The following NCK2 variants were observed in gnomAD, a reference collection of about 807,000 sequenced individuals.
NCK2 encodes NCK adaptor protein 2.
NCK2 carries 16 observed loss-of-function variants against 33.9 expected under a neutral mutation model. The observed-to-expected ratio is 0.47, with a 90% CI of 0.32 to 0.72. NCK2 has a LOEUF of 0.72. Ranked by LOEUF, NCK2 falls within the 30% of genes least tolerant of loss-of-function variation. The pLI, the probability that NCK2 is intolerant of heterozygous loss-of-function variation, is 0.03. For synonymous variants in NCK2, 273 were observed against 239.9 expected (o/e 1.14, Z -1.27); for missense variants, 418 against 537.3 (o/e 0.78, Z 2.19).
chr2:105,803,595 T>C (rs1236104546), intron 1 of NCK2, among the ~76,000 whole-genome samples: 1 of 152,184 alleles, frequency 6.6e-6, no homozygotes, highest in African/African-American at 2.4e-5. Flanking sequence ...GGCATTAGCA[T>C]CCAGTTTCAA....
chr2:105,781,492 A>G (rs1315953713), intron 1 of NCK2, among the ~76,000 whole-genome samples: 1 of 152,186 alleles, frequency 6.6e-6, no homozygotes, highest in African/African-American at 2.4e-5. Context: ...CTGTTTCGTA[A>G]TATTTCTGCA....
intron 1 of NCK2, among the ~76,000 whole-genome samples, chr2:105,761,013 C>T (rs1362118238): frequency 2.0e-5 from 3 of 152,144 alleles, no homozygotes; most frequent in African/African-American, 7.2e-5. Context: ...ATCCTGCTTC[C>T]GCCTGAGGAA....
At chr2:105,792,299 T>C (rs1690913447) in intron 1 of NCK2, among the ~76,000 whole-genome samples, 1 of 152,228 alleles carries the variant, frequency 6.6e-6, no homozygotes, top group Non-Finnish European at 1.5e-5. Flanking sequence ...TCATATTCAG[T>C]GTAGTCCTAA....
chr2:105,802,835 A>AG (rs1674893285), intron 1 of NCK2, among the ~76,000 whole-genome samples: 1 of 151,494 alleles, frequency 6.6e-6, no homozygotes, highest in Non-Finnish European at 1.5e-5. Flanking sequence ...ATGATGACTG[A>AG]TCATCTGGAA....
intron 1 of NCK2, among the ~76,000 whole-genome samples, chr2:105,802,919 T>TGTGTATAG (rs1349435679): frequency 1.3e-5 from 2 of 152,002 alleles, no homozygotes; most frequent in African/African-American, 2.4e-5. Context: ...GTGGTGTCAG[T>TGTGTATAG]GATGTCTGTT....
At chr2:105,820,629 TTG>T (rs1675690276) in intron 2 of NCK2, among the ~76,000 whole-genome samples, 1 of 152,112 alleles carries the variant, frequency 6.6e-6, no homozygotes, top group African/African-American at 2.4e-5. Context: ...GCCACCAGAG[TTG>T]TCATTTTGGC....
At chr2:105,809,195 G>A (rs534674813) in intron 1 of NCK2, among the ~76,000 whole-genome samples, 7 of 152,226 alleles carry the variant, frequency 4.6e-5, no homozygotes, top group South Asian at 2.1e-4. Context: ...TTTTGACCTC[G>A]AGTTCTTTCA....
At chr2:105,792,728 C>T (rs1221786619) in intron 1 of NCK2, among the ~76,000 whole-genome samples, 1 of 152,140 alleles carries the variant, frequency 6.6e-6, no homozygotes, top group Admixed American at 6.5e-5. Flanking sequence ...AACTGCACAT[C>T]AGAACCAGAG....
intron 3 of NCK2, 77 bp from the exon 4 acceptor site, chr2:105,881,251 G>C: frequency 6.0e-6 from 9 of 1,504,342 alleles, no homozygotes; most frequent in Non-Finnish European, 7.9e-6. Flanking sequence ...GAGAAACTGC[G>C]TGGAAATCCC....
In NCK2 at chr2:105,881,341, G is replaced by C; in HGVS notation, c.240G>C (p.Thr80=). The part of the protein sequence containing the change: ...NLKDTLGLGK[T]RRKTSARDAS... The stretch of plus-strand genomic sequence containing the variant: ...GTGTCTCCACAGGCCTCGGCAAGAC[G>C]CGCAGGAAGACCAGCGCGCGGGATG... The change falls in exon 4 of 5, where the codon ACG becomes ACC. Residue 80 remains threonine (T), a synonymous_variant. Transcript: ENST00000233154. 6.3e-7 allele frequency: 1 copy of C among 1,597,600 alleles called. No homozygotes were observed. The highest frequency in any genetic ancestry group is 8.5e-7 in the Non-Finnish European group (1 of 1,175,194).
At chr2:105,805,242 G>A (rs1674988929) in intron 1 of NCK2, among the ~76,000 whole-genome samples, 1 of 152,220 alleles carries the variant, frequency 6.6e-6, no homozygotes, top group Admixed American at 6.5e-5. Flanking sequence ...GGAAGCTGAG[G>A]TGCAAAGATG....
At chr2:105,796,119 G>A (rs1691074092) in intron 1 of NCK2, among the ~76,000 whole-genome samples, 1 of 152,218 alleles carries the variant, frequency 6.6e-6, no homozygotes, top group African/African-American at 2.4e-5. Flanking sequence ...TTTATTAGGT[G>A]CATGCACATG....
intron 3 of NCK2, among the ~76,000 whole-genome samples, chr2:105,861,056 G>T (rs183540376): frequency 3.7e-4 from 56 of 152,064 alleles, no homozygotes; most frequent in African/African-American, 1.3e-3. Context: ...CAGCAGTGAA[G>T]GTAACAATTG....
intron 3 of NCK2, among the ~76,000 whole-genome samples, chr2:105,879,570 C>A (rs1024470889): frequency 6.6e-6 from 1 of 152,268 alleles, no homozygotes; most frequent in Non-Finnish European, 1.5e-5. Context: ...CATGCACATG[C>A]ATAAAATGTG....
intron 3 of NCK2, among the ~76,000 whole-genome samples, chr2:105,859,953 G>A (rs994356895): frequency 5.9e-5 from 9 of 152,104 alleles, no homozygotes; most frequent in East Asian, 1.9e-4. Context: ...TTATACTTTC[G>A]TTTTTAAGAA....
At chr2:105,822,599 G>A (rs116555277) in intron 2 of NCK2, among the ~76,000 whole-genome samples, 2,646 of 152,014 alleles carry the variant, frequency 0.017, 44 homozygotes, top group Non-Finnish European at 0.021. Context: ...GTTATGCCAA[G>A]CATTTTTTCT....
intron 1 of NCK2, among the ~76,000 whole-genome samples, chr2:105,784,534 G>A (rs76258987): frequency 0.019 from 2,853 of 152,346 alleles, 51 homozygotes; most frequent in Non-Finnish European, 0.022. Context: ...CTCGCTTGTG[G>A]AGGGTACAAT....
intron 3 of NCK2, among the ~76,000 whole-genome samples, chr2:105,876,599 C>G (rs1162629409): frequency 1.3e-5 from 2 of 152,216 alleles, no homozygotes; most frequent in African/African-American, 4.8e-5. Context: ...CAGCCCAAAT[C>G]TGAGAAGTGG....
At chr2:105,814,996 A>T (rs1675430829) in intron 1 of NCK2, among the ~76,000 whole-genome samples, 1 of 152,242 alleles carries the variant, frequency 6.6e-6, no homozygotes, top group Admixed American at 6.5e-5. Context: ...TACCCAGCAC[A>T]TTGCCCTTTG....
Sources: gnomAD v4.1 joint callset for allele counts (sites outside exome capture counted in the v4.1 genomes callset) on GRCh38, gnomAD v4.1.1 for gene constraint, MANE v1.5 for transcripts, NCBI Gene and HGNC (gene_info 2026-07-23, HGNC 2026-07-21) for gene names.